PHLPP2: variants seen among roughly 807,000 people sequenced by gnomAD.
PHLPP2 encodes the protein PH domain and leucine rich repeat protein phosphatase 2.
A neutral mutation model predicts 124.9 loss-of-function variants in PHLPP2; 66 were observed. That is an observed-to-expected ratio of 0.53 (90% CI 0.43 to 0.65). The LOEUF (loss-of-function observed/expected upper bound fraction) is 0.65. Among genes scored for constraint, PHLPP2 ranks in the 30% least tolerant of loss-of-function variants. PHLPP2 has a pLI of 0.00. For missense variants in PHLPP2, 1,685 were observed against 1,600.4 expected, an observed-to-expected ratio of 1.05 and a Z score of -0.90; for synonymous variants, 681 against 624.7, an observed-to-expected ratio of 1.09 and a Z score of -1.34.
At chr16:71,702,525 C>T in intron 3 of PHLPP2, 73 bp downstream of exon 3, 1 of 1,259,848 alleles carries the variant, frequency 7.9e-7, no homozygotes, top group Non-Finnish European at 1.1e-6. Flanking sequence ...CTTTAAAAAG[C>T]TGACGGCAGA....
At chr16:71,718,310 T>A (rs1480984413) in intron 1 of PHLPP2, among the ~76,000 whole-genome samples, 1 of 152,340 alleles carries the variant, frequency 6.6e-6, no homozygotes, top group African/African-American at 2.4e-5. Flanking sequence ...TCGGGCGCAG[T>A]GGCTCACACC....
chr16:71,723,814 G>A, intron 1 of PHLPP2: 1 of 1,284,490 alleles, frequency 7.8e-7, no homozygotes, highest in South Asian at 2.1e-5. Flanking sequence ...CGGGCGCTTC[G>A]GGCGGCTCCG....
intron 4 of PHLPP2, among the ~76,000 whole-genome samples, chr16:71,690,042 T>C (rs922922563): frequency 6.6e-6 from 1 of 152,198 alleles, no homozygotes; most frequent in African/African-American, 2.4e-5. Context: ...TTCATTCTGT[T>C]TGACTAACAA....
At chr16:71,706,179 A>G (rs1314855176) in intron 2 of PHLPP2, among the ~76,000 whole-genome samples, 1 of 152,250 alleles carries the variant, frequency 6.6e-6, no homozygotes, top group African/African-American at 2.4e-5. Context: ...TTGGAGTAAC[A>G]GTTTTGGTTT....
chr16:71,659,740 C>T (rs993292285), intron 13 of PHLPP2, among the ~76,000 whole-genome samples: 2 of 152,162 alleles, frequency 1.3e-5, no homozygotes, highest in African/African-American at 4.8e-5. Context: ...GTGAGACTAA[C>T]ACCTTCAGGT....
At chr16:71,692,382 T>G (rs1051125996) in intron 3 of PHLPP2, among the ~76,000 whole-genome samples, 1 of 152,200 alleles carries the variant, frequency 6.6e-6, no homozygotes, top group Non-Finnish European at 1.5e-5. Flanking sequence ...TAATTGTTTA[T>G]ACAATTAGGT....
chr16:71,680,268 G>A (rs2044985124), intron 6 of PHLPP2, among the ~76,000 whole-genome samples: 2 of 152,122 alleles, frequency 1.3e-5, no homozygotes, highest in South Asian at 2.1e-4. Context: ...CAAATAGGTA[G>A]ATCAAATCCC....
chr16:71,669,245 T>C (rs1567616408), intron 11 of PHLPP2, 30 bp downstream of exon 11: 1 of 1,430,196 alleles, frequency 7.0e-7, no homozygotes, highest in Non-Finnish European at 9.8e-7. Context: ...TGTTAGTATA[T>C]ACATAATATA....
In PHLPP2 at chr16:71,702,735, A is replaced by C; in HGVS notation, c.285-4T>G. 2 of 1,573,546 alleles carry C rather than the reference A, an allele frequency of 1.3e-6. No homozygotes were observed. Among genetic ancestry groups the C allele is most frequent in the Non-Finnish European group, 1.7e-6 (2 of 1,157,266 alleles). On this transcript the variant is annotated splice_polypyrimidine_tract_variant and splice_region_variant and intron_variant, in intron 2 of 18. Transcript: ENST00000568954. The stretch of plus-strand genomic sequence containing the variant: ...TCGTTCAGTAGGTTCCAGTCTCCTG[A>C]TTACACAATTCAAAAAAATATATAT...
intron 4 of PHLPP2, among the ~76,000 whole-genome samples, chr16:71,688,854 A>G: frequency 6.6e-6 from 1 of 152,044 alleles, no homozygotes; most frequent in Non-Finnish European, 1.5e-5. Context: ...AGTTACAAAC[A>G]CTCATTCATT....
chr16:71,666,730 G>T (rs1318842073), intron 12 of PHLPP2, among the ~76,000 whole-genome samples: 1 of 152,174 alleles, frequency 6.6e-6, no homozygotes, highest in East Asian at 1.9e-4. Flanking sequence ...ACACAAAAAG[G>T]TTTGCACATA....
chr16:71,680,815 T>C (rs1477556396), intron 6 of PHLPP2, among the ~76,000 whole-genome samples: 1 of 152,246 alleles, frequency 6.6e-6, no homozygotes, highest in East Asian at 1.9e-4. Context: ...GATACAGCCC[T>C]CAAACTGGAC....
At position 71,719,964 on chromosome 16, in the gene PHLPP2, A is replaced by ATTTTTTTTTTTTTTTTTTT. The variant is rs756642820; in HGVS notation, c.-7+4346_-7+4364dup. 2.3e-3 allele frequency among the ~76,000 whole-genome samples: 122 copies of ATTTTTTTTTTTTTTTTTTT among 53,248 alleles called. 19 individuals carry two copies. Among genetic ancestry groups the ATTTTTTTTTTTTTTTTTTT allele is most frequent in the African/African-American group, 2.7e-3 (32 of 11,984 alleles). 34.9% of individuals were successfully genotyped at this position (53,248 alleles called of 152,430 possible). On this transcript the variant is annotated intron_variant, in intron 1 of 18. Transcript: ENST00000568954. ...AGGTGCACAACACCATGCCCAGCTA[A>ATTTTTTTTTTTTTTTTTTT]TTTTTTTTTTTTTTTTTTTTTTTTG...
chr16:71,683,466 T>C (rs2045022812), intron 5 of PHLPP2, among the ~76,000 whole-genome samples: 2 of 152,220 alleles, frequency 1.3e-5, no homozygotes. Context: ...CAAGAAGCAC[T>C]GGGACCCAAG....
In PHLPP2 at chr16:71,648,220, T is replaced by C. The variant is rs1376350878; in HGVS notation, c.*670A>G. 6.5e-6 allele frequency: 1 copy of C among 152,934 alleles called. No individual in the cohort carries two copies. Among genetic ancestry groups the C allele is most frequent in the Non-Finnish European group, 1.5e-5 (1 of 68,148 alleles). The allele number at this position is 152,934 out of a possible 1,614,324, so 9.5% of individuals were successfully genotyped here. A position where few individuals can be genotyped will look rare whatever the true frequency, so the allele number is the denominator to read the frequency against. The stretch of plus-strand genomic sequence containing the variant: ...AGTAAAGAGAATCAATCTTCACTTT[T>C]TTCCTCCACAGAAATAGTCCCTTTC... On this transcript the variant is annotated 3_prime_UTR_variant, in exon 19 of 19. Coordinates refer to ENST00000568954, the MANE Select transcript of PHLPP2 (RefSeq NM_015020.3).
At chr16:71,659,654 C>G (rs1299122945) in intron 13 of PHLPP2, among the ~76,000 whole-genome samples, 3 of 152,218 alleles carry the variant, frequency 2.0e-5, no homozygotes, top group African/African-American at 7.2e-5. Flanking sequence ...ACACACAGCA[C>G]TGTGCTGTGA....
At chr16:71,658,492 T>C (rs2044760488) in intron 14 of PHLPP2, 129 bp from the exon 15 acceptor site, 1 of 1,194,344 alleles carries the variant, frequency 8.4e-7, no homozygotes, top group African/African-American at 1.5e-5. Flanking sequence ...ATTACATAAA[T>C]TCTGGTCCCA....
chr16:71,664,155 T>C (rs956379050), intron 12 of PHLPP2, 56 bp from the exon 13 acceptor site: 3 of 1,183,958 alleles, frequency 2.5e-6, no homozygotes, highest in Admixed American at 1.7e-5. Flanking sequence ...TGCCTTCCTA[T>C]ATAGAAACCA....
intron 2 of PHLPP2, among the ~76,000 whole-genome samples, chr16:71,712,012 C>T (rs189338527): frequency 4.6e-5 from 7 of 152,374 alleles, no homozygotes; most frequent in Admixed American, 4.6e-4. Flanking sequence ...ATTCCAACTG[C>T]AGGGCAGTAC....
Sources: allele counts gnomAD v4.1 joint callset (sites outside exome capture counted in the v4.1 genomes callset), GRCh38; gene constraint gnomAD v4.1.1; transcripts MANE v1.5; gene names NCBI Gene and HGNC (gene_info 2026-07-23, HGNC 2026-07-21).